The following WFIKKN1 variants were observed in gnomAD, a reference collection of about 807,000 sequenced individuals.
WFIKKN1 encodes the protein WAP, follistatin/kazal, immunoglobulin, kunitz and netrin domain containing 1.
A neutral mutation model predicts 4.6 loss-of-function variants in WFIKKN1; 6 were observed. The ratio of observed to expected loss-of-function variants is 1.31; its 90% CI spans 0.72 to 2.59. The LOEUF is 2.59. Among genes scored for constraint, WFIKKN1 ranks in the 30% most tolerant of loss-of-function variants. The pLI, the probability that WFIKKN1 is intolerant of heterozygous loss-of-function variation, is 0.00. For missense variants in WFIKKN1, 964 were observed against 818.0 expected, an observed-to-expected ratio of 1.18 and a Z score of -2.18; for synonymous variants, 468 against 367.4, an observed-to-expected ratio of 1.27 and a Z score of -3.13.
chr16:633,390 T>A lies in WFIKKN1; in HGVS notation c.980T>A (p.Met327Lys), dbSNP rs1317496216. Reference protein sequence around the residue: ...WHYDPQRGGCMTFPARGCDGA... With the variant: ...WHYDPQRGGCKTFPARGCDGA... ...TACGACCCGCAGCGGGGCGGCTGCATGACCTTCCCGGCCCGTGGCTGTGAT... is the reference window on the plus strand; with the variant it reads ...TACGACCCGCAGCGGGGCGGCTGCAAGACCTTCCCGGCCCGTGGCTGTGAT... Residue 327 changes from methionine to lysine, a missense_variant, in exon 2 of 2, where the codon ATG (methionine) becomes AAG (lysine). Coordinates refer to ENST00000319070, the MANE Select transcript of WFIKKN1 (RefSeq NM_053284.3). 1 of 1,565,004 alleles carries A rather than the reference T, an allele frequency of 6.4e-7. No individual in the cohort carries two copies. The highest frequency in any genetic ancestry group is 8.6e-7 in the Non-Finnish European group (1 of 1,163,418).
chr16:632,616 T>C lies in WFIKKN1; in HGVS notation c.206T>C (p.Val69Ala), dbSNP rs1203890065. The C allele has an allele frequency of 6.3e-7, 1 of 1,583,268 alleles. No individual in the cohort carries two copies. Among genetic ancestry groups the C allele is most frequent in the Non-Finnish European group, 8.6e-7 (1 of 1,162,642 alleles). The change falls in exon 2 of 2, where the codon GTG (valine) becomes GCG (alanine). Residue 69 changes from valine (V) to alanine (A), a missense_variant. Physicochemically the swap from Val to Ala is moderately conservative, Grantham distance 64. Coordinates refer to ENST00000319070, the MANE Select transcript of WFIKKN1 (RefSeq NM_053284.3). ...CAAAEKCCIN[V>A]CGLHSCVAAR... ...GCTGCTGAGAAGTGCTGCATCAACG[T>C]GTGTGGACTGCACAGCTGCGTGGCA...
In WFIKKN1 at chr16:633,663, G is replaced by A. The variant is rs756420931; in HGVS notation, c.1253G>A (p.Arg418His). The change falls in exon 2 of 2, where the codon CGC becomes CAC. Residue 418 changes from arginine to histidine, a missense_variant. Coordinates refer to ENST00000319070, the MANE Select transcript of WFIKKN1 (RefSeq NM_053284.3). ...CCCGTGCCGCGCACACCGCCCTGCC[G>A]CGCCTGCCGCCTCCGGAGCAAGCTG... ...ACPVPRTPPC[R>H]ACRLRSKLAL... 9 of 1,574,260 alleles carry A rather than the reference G, an allele frequency of 5.7e-6. No homozygotes were observed. Among genetic ancestry groups the A allele is most frequent in the Admixed American group, 3.6e-5 (2 of 55,328 alleles).
At position 633,684 on chromosome 16, in the gene WFIKKN1, A is replaced by C; in HGVS notation, c.1274A>C (p.Lys425Thr). The stretch of plus-strand genomic sequence containing the variant: ...TGCCGCGCCTGCCGCCTCCGGAGCA[A>C]GCTGGCGCTGAGCCTGTGCCGCAGC... ...PPCRACRLRSKLALSLCRSDF... is the reference protein window; with the variant it reads ...PPCRACRLRSTLALSLCRSDF... The change falls in exon 2 of 2, where the codon AAG becomes ACG. Residue 425 changes from lysine (K) to threonine (T), a missense_variant. Coordinates refer to ENST00000319070, the MANE Select transcript of WFIKKN1 (RefSeq NM_053284.3). 1 of 1,582,590 alleles carries C rather than the reference A, an allele frequency of 6.3e-7. No individual in the cohort carries two copies. Among genetic ancestry groups the C allele is most frequent in the Non-Finnish European group, 8.6e-7 (1 of 1,165,154 alleles).
rs759915390 is a variant in WFIKKN1, at chr16:633,175, C to T, written c.765C>T (p.Pro255=). Residue 255 remains proline (P), a synonymous_variant, in exon 2 of 2, where the codon CCC becomes CCT. Coordinates refer to ENST00000319070, the MANE Select transcript of WFIKKN1 (RefSeq NM_053284.3). ...IGQLVLYNAR[P]EDAGLYTCTA... is the part of the protein sequence containing the mutation. ...AGCTGGTGCTCTACAACGCGCGGCC[C>T]GAAGACGCCGGCCTGTACACCTGCA... The T allele has an allele frequency of 1.3e-5, 21 of 1,595,314 alleles. No individual in the cohort carries two copies. Among genetic ancestry groups the T allele is most frequent in the African/African-American group, 4.0e-5 (3 of 74,144 alleles).
At position 633,545 on chromosome 16, in the gene WFIKKN1, C is replaced by T. The variant is rs551656103; in HGVS notation, c.1135C>T (p.Pro379Ser). ...RGWEPRWAYS[P>S]LLQQCHPFVY... ...CTGGGAGCCGCGCTGGGCCTACAGC[C>T]CGCTGCTGCAGCAGTGCCATCCCTT... The change falls in exon 2 of 2, where the codon CCG (proline) becomes TCG (serine). Residue 379 changes from proline (P) to serine (S), a missense_variant. Pro to Ser is a moderately conservative substitution (Grantham distance 74). Coordinates refer to ENST00000319070, the MANE Select transcript of WFIKKN1 (RefSeq NM_053284.3). The T allele has an allele frequency of 1.3e-6, 2 of 1,534,984 alleles. No individual in the cohort carries two copies. Among genetic ancestry groups the T allele is most frequent in the Non-Finnish European group, 1.7e-6 (2 of 1,149,302 alleles).
At position 633,994 on chromosome 16, in the gene WFIKKN1, C is replaced by CA; in HGVS notation, c.1586dup (p.Lys530GlufsTer32). 1.2e-6 allele frequency: 2 copies of CA among 1,603,570 alleles called. No individual in the cohort carries two copies. The highest frequency in any genetic ancestry group is 8.5e-7 in the Non-Finnish European group (1 of 1,175,934). On this transcript the variant is annotated frameshift_variant, in exon 2 of 2. Coordinates refer to ENST00000319070, the MANE Select transcript of WFIKKN1 (RefSeq NM_053284.3). LOFTEE classifies it high-confidence loss of function. Reference sequence around the variant, plus strand: ...TCCGCGCCGCCAGCGAGAAGCGCGTCAAGAAGATCTTGGAGCTGCTGGAGA... The same window carrying CA: ...TCCGCGCCGCCAGCGAGAAGCGCGTCAAAGAAGATCTTGGAGCTGCTGGAGA...
rs1215881367 is a variant in WFIKKN1 at position 632,886 on chromosome 16, A to ACGT, written c.477_479dup (p.Val160dup). ...CACCTCCACATCGTGCCCTGCAAGC[A>ACGT]CGTGCTCAGCTGGCCGCCCAGCAGC... On this transcript the variant is annotated inframe_insertion, in exon 2 of 2. Transcript: ENST00000319070. 3 of 1,574,012 alleles carry ACGT rather than the reference A, an allele frequency of 1.9e-6. No homozygotes were observed. In the African/African-American group the frequency reaches 4.1e-5, roughly 21 times the overall value.
At position 633,240 on chromosome 16, in the gene WFIKKN1, C is replaced by A; in HGVS notation, c.830C>A (p.Pro277Gln). The A allele has an allele frequency of 6.3e-7, 1 of 1,588,356 alleles. No individual in the cohort carries two copies. The highest frequency in any genetic ancestry group is 2.3e-5 in the East Asian group (1 of 43,318). ...NAAGLLRADF[P>Q]LSVVQREPAR... Reference sequence around the variant, plus strand: ...GCTGGGCTGCTGCGGGCTGACTTCCCACTCTCTGTGGTCCAGCGAGAGCCG... The same window carrying A: ...GCTGGGCTGCTGCGGGCTGACTTCCAACTCTCTGTGGTCCAGCGAGAGCCG... Residue 277 changes from proline (P) to glutamine (Q), a missense_variant, in exon 2 of 2, where the codon CCA becomes CAA. Coordinates refer to ENST00000319070, the MANE Select transcript of WFIKKN1 (RefSeq NM_053284.3).
At chr16:632,322 G>A in intron 1 of WFIKKN1, 1 of 413,542 alleles carries the variant, frequency 2.4e-6, no homozygotes, top group Admixed American at 4.4e-5. Context: ...GCCCTCCTTG[G>A]GCCTCAGTTT....
In WFIKKN1 at chr16:633,416, G is replaced by A. The variant is rs1446702643; in HGVS notation, c.1006G>A (p.Gly336Arg). The change falls in exon 2 of 2, where the codon GGG becomes AGG. Residue 336 changes from glycine (G) to arginine (R), a missense_variant. Transcript: ENST00000319070. ...CMTFPARGCD[G>R]AARGFETYEA... is the part of the protein sequence containing the mutation. ...GACCTTCCCGGCCCGTGGCTGTGAT[G>A]GGGCGGCCCGCGGCTTTGAGACCTA... The A allele has an allele frequency of 1.3e-6, 2 of 1,550,928 alleles. No individual in the cohort carries two copies. Among genetic ancestry groups the A allele is most frequent in the East Asian group, 2.4e-5 (1 of 41,994 alleles).
Position 633,967 on chromosome 16 carries a change from C to G in WFIKKN1, c.1557C>G (p.Tyr519Ter), listed in dbSNP as rs374492045. Residue 519 changes from tyrosine to a stop codon, truncating the protein, a stop_gained, in exon 2 of 2, where the codon TAC (tyrosine) becomes TAG (stop). Coordinates refer to ENST00000319070, the MANE Select transcript of WFIKKN1 (RefSeq NM_053284.3). LOFTEE classifies it low-confidence loss of function (END_TRUNC). ...TGGCCGTGCTGGACGCCGGCAGCTACGTCCGCGCCGCCAGCGAGAAGCGCG... is the reference window on the plus strand; with the variant it reads ...TGGCCGTGCTGGACGCCGGCAGCTAGGTCCGCGCCGCCAGCGAGAAGCGCG... ...DGVAVLDAGS[Y>*]VRAASEKRVK... The G allele has an allele frequency of 3.8e-6, 6 of 1,597,366 alleles. No individual in the cohort carries two copies. The highest frequency in any genetic ancestry group is 5.1e-6 in the Non-Finnish European group (6 of 1,172,944).
Position 633,117 on chromosome 16 carries a change from T to C in WFIKKN1, c.707T>C (p.Met236Thr), listed in dbSNP as rs1385160670. Residue 236 changes from methionine (M) to threonine (T), a missense_variant, in exon 2 of 2, where the codon ATG becomes ACG. Physicochemically the swap from Met to Thr is moderately conservative, Grantham distance 81. Transcript: ENST00000319070. The stretch of plus-strand genomic sequence containing the variant: ...AACCTGATCATGCGCCCTGATCAGA[T>C]GTATGGCAACGTGGTGGTCACCAGC... The part of the protein sequence containing the change: ...RENLIMRPDQ[M>T]YGNVVVTSIG... 2.5e-6 allele frequency: 4 copies of C among 1,609,316 alleles called. No individual in the cohort carries two copies. Among genetic ancestry groups the C allele is most frequent in the Non-Finnish European group, 3.4e-6 (4 of 1,177,600 alleles).
At chr16:631,474 C>G (rs2036948159) in intron 1 of WFIKKN1, 50 bp downstream of exon 1, 2 of 1,579,438 alleles carry the variant, frequency 1.3e-6, no homozygotes, top group Non-Finnish European at 1.7e-6. Flanking sequence ...CCAGCCTGGG[C>G]AAGACCCTGC....
rs781607205 is a variant in WFIKKN1 at position 631,246 on chromosome 16, C to A, written c.-8C>A. 14 of 1,547,474 alleles carry A rather than the reference C, an allele frequency of 9.0e-6. No individual in the cohort carries two copies. Among genetic ancestry groups the A allele is most frequent in the Non-Finnish European group, 9.5e-6 (11 of 1,154,976 alleles). The stretch of plus-strand genomic sequence containing the variant: ...CACACCCCCCGGCCCCCTGGCTCGG[C>A]GGCCCTCATGCCCGCCCTACGTCCA... On this transcript the variant is annotated 5_prime_UTR_variant, in exon 1 of 2. Coordinates refer to ENST00000319070, the MANE Select transcript of WFIKKN1 (RefSeq NM_053284.3).
At position 633,280 on chromosome 16, in the gene WFIKKN1, C is replaced by T; in HGVS notation, c.870C>T (p.Ala290=). 6.3e-7 allele frequency: 1 copy of T among 1,584,134 alleles called. No individual in the cohort carries two copies. The highest frequency in any genetic ancestry group is 1.1e-5 in the South Asian group (1 of 87,640). ...VVQREPARDA[A]PSIPAPAECL... is the part of the protein sequence containing the mutation. The stretch of plus-strand genomic sequence containing the variant: ...AGCGAGAGCCGGCCAGGGACGCAGC[C>T]CCCAGCATCCCAGCCCCGGCCGAGT... Residue 290 remains alanine (A), a synonymous_variant, in exon 2 of 2, where the codon GCC becomes GCT. Transcript: ENST00000319070.
chr16:633,548 C>T lies in WFIKKN1; in HGVS notation c.1138C>T (p.Leu380=). ...GGAGCCGCGCTGGGCCTACAGCCCG[C>T]TGCTGCAGCAGTGCCATCCCTTCGT... ...GWEPRWAYSP[L]LQQCHPFVYG... is the part of the protein sequence containing the mutation. Residue 380 remains leucine (L), a synonymous_variant, in exon 2 of 2, where the codon CTG becomes TTG. Coordinates refer to ENST00000319070, the MANE Select transcript of WFIKKN1 (RefSeq NM_053284.3). 1 of 1,538,794 alleles carries T rather than the reference C, an allele frequency of 6.5e-7. No individual in the cohort carries two copies. Among genetic ancestry groups the T allele is most frequent in the Non-Finnish European group, 8.7e-7 (1 of 1,150,962 alleles).
chr16:631,152 A>G lies in WFIKKN1; in HGVS notation c.-102A>G. The G allele has an allele frequency of 1.5e-6, 2 of 1,359,498 alleles. No individual in the cohort carries two copies. The highest frequency in any genetic ancestry group is 1.9e-6 in the Non-Finnish European group (2 of 1,030,004). The allele number at this position is 1,359,498 out of a possible 1,614,324, so 84.2% of individuals were successfully genotyped here. A position where few individuals can be genotyped will look rare whatever the true frequency, so the allele number is the denominator to read the frequency against. On this transcript the variant is annotated 5_prime_UTR_variant, in exon 1 of 2. Transcript: ENST00000319070. ...CCCCGGGGTCCTGGTGGGGGCACCG[A>G]CCACAGGCCCGGAGGGTGGATGCCT...
intron 1 of WFIKKN1, chr16:632,057 ACTCCTCCCATC>A (rs2036957492): frequency 3.9e-5 from 1 of 25,486 alleles, no homozygotes; most frequent in Non-Finnish European, 7.7e-5. Context: ...CCTCCCATCC[ACTCCTCCCATC>A]CACTCCTCCC....
In WFIKKN1 at chr16:632,949, G is replaced by A. The variant is rs1482476501; in HGVS notation, c.539G>A (p.Gly180Glu). ...GAGACCACTGCCCGCCCCACACCTGGGGCCGCGCCCGTGCCTCCTGCCCTG... is the reference window on the plus strand; with the variant it reads ...GAGACCACTGCCCGCCCCACACCTGAGGCCGCGCCCGTGCCTCCTGCCCTG... The part of the protein sequence containing the change: ...PPETTARPTP[G>E]AAPVPPALYS... Residue 180 changes from glycine (G) to glutamate (E), a missense_variant, in exon 2 of 2, where the codon GGG becomes GAG. Physicochemically the swap from Gly to Glu is moderately conservative, Grantham distance 98. Coordinates refer to ENST00000319070, the MANE Select transcript of WFIKKN1 (RefSeq NM_053284.3). The A allele has an allele frequency of 1.9e-6, 3 of 1,560,542 alleles. No individual in the cohort carries two copies. In the South Asian group the frequency reaches 3.6e-5, roughly 19 times the overall value.
Sources: allele counts gnomAD v4.1 joint callset, GRCh38; gene constraint gnomAD v4.1.1; transcripts MANE v1.5; gene names NCBI Gene and HGNC (gene_info 2026-07-23, HGNC 2026-07-21).